Variants in PARD3B observed in about 807,000 individuals in gnomAD.
The protein encoded by PARD3B is par-3 family cell polarity regulator beta.
A neutral mutation model predicts 130.2 loss-of-function variants in PARD3B; 103 were observed. The ratio of observed to expected loss-of-function variants is 0.79; its 90% CI spans 0.67 to 0.93. The LOEUF (loss-of-function observed/expected upper bound fraction) is 0.93, where lower values mean the gene tolerates loss of function less well. Among genes scored for constraint, PARD3B ranks in the 40% least tolerant of loss-of-function variants. The pLI is 0.00. For missense variants in PARD3B, 1,609 were observed against 1,499.2 expected, an observed-to-expected ratio of 1.07 and a Z score of -1.21; for synonymous variants, 583 against 553.2, an observed-to-expected ratio of 1.05 and a Z score of -0.76.
intron 2 of PARD3B, among the ~76,000 whole-genome samples, chr2:204,764,064 A>C (rs1288846811): frequency 6.6e-6 from 1 of 152,170 alleles, no homozygotes; most frequent in Non-Finnish European, 1.5e-5. Flanking sequence ...AGGAGTGTGG[A>C]CACTAAGGGT....
chr2:205,129,658 CTT>C (rs1318480836), intron 10 of PARD3B, among the ~76,000 whole-genome samples: 1 of 152,198 alleles, frequency 6.6e-6, no homozygotes, highest in African/African-American at 2.4e-5. Flanking sequence ...TTTGTTAAGC[CTT>C]GCTGTTCTGC....
intron 2 of PARD3B, among the ~76,000 whole-genome samples, chr2:204,800,511 C>A (rs1263286831): frequency 1.3e-5 from 2 of 151,952 alleles, no homozygotes; most frequent in African/African-American, 4.8e-5. Context: ...AAAAATATAT[C>A]AGGGTTTAAG....
At chr2:205,380,854 A>G (rs1480392059) in intron 18 of PARD3B, among the ~76,000 whole-genome samples, 3 of 104,188 alleles carry the variant, frequency 2.9e-5, no homozygotes, top group Non-Finnish European at 5.1e-5. Flanking sequence ...TATAAAGAAT[A>G]CATTATATAT....
chr2:204,709,688 C>A (rs1454825482), intron 2 of PARD3B, among the ~76,000 whole-genome samples: 3 of 152,008 alleles, frequency 2.0e-5, no homozygotes, highest in Non-Finnish European at 2.9e-5. Context: ...AGGTTAGGCC[C>A]CAATTTTCTG....
intron 2 of PARD3B, among the ~76,000 whole-genome samples, chr2:204,738,486 C>T (rs145457594): frequency 6.8e-4 from 103 of 152,220 alleles, no homozygotes; most frequent in South Asian, 4.1e-3. Flanking sequence ...TATATTTTTG[C>T]GTAATAAATT....
At chr2:204,645,790 T>C (rs919875629) in intron 1 of PARD3B, among the ~76,000 whole-genome samples, 6 of 152,180 alleles carry the variant, frequency 3.9e-5, no homozygotes, top group Non-Finnish European at 7.4e-5. Flanking sequence ...AGAAGGCAAT[T>C]TCCAATTCCA....
At chr2:205,379,874 C>A (rs886502413) in intron 18 of PARD3B, among the ~76,000 whole-genome samples, 2 of 151,538 alleles carry the variant, frequency 1.3e-5, no homozygotes, top group East Asian at 3.9e-4. Context: ...CTGAGACCAT[C>A]TTGGCTAATA....
At chr2:205,432,245 C>T (rs2106131716) in intron 19 of PARD3B, among the ~76,000 whole-genome samples, 1 of 152,240 alleles carries the variant, frequency 6.6e-6, no homozygotes, top group East Asian at 1.9e-4. Flanking sequence ...TTGTAATAAC[C>T]CCCTAACTGT....
In PARD3B at chr2:205,360,578, T is replaced by C. The variant is rs576430720; in HGVS notation, c.2631-40435T>C. ...GAAAGCCAGCTTTATTTTTTCTTAA[T>C]ACAGTGAGGAAATTTTTCCAACACC... On this transcript the variant is annotated intron_variant, in intron 18 of 22. Coordinates refer to ENST00000406610, the MANE Select transcript of PARD3B (RefSeq NM_001302769.2). Among the ~76,000 whole-genome samples, 3 of 152,350 alleles carry C rather than the reference T, an allele frequency of 2.0e-5. No homozygotes were observed. The South Asian group carries it at 6.2e-4, about 32-fold the overall frequency.
At chr2:204,862,405 T>C (rs2045246555) in intron 2 of PARD3B, among the ~76,000 whole-genome samples, 1 of 152,212 alleles carries the variant, frequency 6.6e-6, no homozygotes, top group Non-Finnish European at 1.5e-5. Context: ...TTCCAGGGCA[T>C]AATTTATTAA....
intron 16 of PARD3B, among the ~76,000 whole-genome samples, chr2:205,283,848 T>C (rs2041284375): frequency 6.6e-6 from 1 of 152,188 alleles, no homozygotes; most frequent in African/African-American, 2.4e-5. Flanking sequence ...CCCTCTTCCC[T>C]GAAGTAAGCC....
At chr2:205,522,499 T>TA (rs1005693297) in intron 21 of PARD3B, among the ~76,000 whole-genome samples, 4 of 151,890 alleles carry the variant, frequency 2.6e-5, no homozygotes, top group South Asian at 2.1e-4. Flanking sequence ...CTATTGTCGT[T>TA]AAAAAAAATT....
chr2:205,031,099 A>G (rs1697386906), intron 3 of PARD3B, among the ~76,000 whole-genome samples: 1 of 152,176 alleles, frequency 6.6e-6, no homozygotes, highest in Non-Finnish European at 1.5e-5. Flanking sequence ...AAAGACTGCC[A>G]CAGACTAGAA....
At position 205,156,342 on chromosome 2, in the gene PARD3B, G is replaced by A. The variant is rs376896790; in HGVS notation, c.1435-2380G>A. Among the ~76,000 whole-genome samples the A allele has an allele frequency of 6.8e-3, 1,025 of 151,216 alleles. 2 individuals carry two copies. The highest frequency in any genetic ancestry group is 0.011 in the Non-Finnish European group (727 of 67,804). The stretch of plus-strand genomic sequence containing the variant: ...ACGAGTTAATGGGTGCAGCACACCA[G>A]CATGGCACATGTATACATATGTAAC... On this transcript the variant is annotated intron_variant, in intron 10 of 22. Coordinates refer to ENST00000406610, the MANE Select transcript of PARD3B (RefSeq NM_001302769.2).
At chr2:204,644,913 A>G (rs2125159118) in intron 1 of PARD3B, among the ~76,000 whole-genome samples, 1 of 152,250 alleles carries the variant, frequency 6.6e-6, no homozygotes, top group East Asian at 1.9e-4. Context: ...AAATATTGGG[A>G]ACCAGTAAAT....
At chr2:204,684,747 C>T (rs536260702) in intron 1 of PARD3B, among the ~76,000 whole-genome samples, 2 of 152,180 alleles carry the variant, frequency 1.3e-5, no homozygotes, top group African/African-American at 4.8e-5. Context: ...TCTTTGAGAT[C>T]TCTATCTGTG....
At position 205,405,523 on chromosome 2, in the gene PARD3B, C is replaced by A. The variant is rs1257954996; in HGVS notation, c.2741+4400C>A. 6.6e-6 allele frequency among the ~76,000 whole-genome samples: 1 copy of A among 152,126 alleles called. No homozygotes were observed. The highest frequency in any genetic ancestry group is 2.4e-5 in the African/African-American group (1 of 41,414). On this transcript the variant is annotated intron_variant, in intron 19 of 22. Coordinates refer to ENST00000406610, the MANE Select transcript of PARD3B (RefSeq NM_001302769.2). This position sits in a 1 kb window ranked among gnomAD's most constrained non-coding sequence, Gnocchi z 4.1. The stretch of plus-strand genomic sequence containing the variant: ...GAGAAATCTAGATCAGATGATATAA[C>A]CCTAGAAGGATTATTAGCTATTTGA...
chr2:205,459,230 G>A (rs565149021), intron 20 of PARD3B, among the ~76,000 whole-genome samples: 27 of 152,276 alleles, frequency 1.8e-4, no homozygotes, highest in Admixed American at 1.6e-3. Flanking sequence ...CTACCTTTTA[G>A]AATCAGTCTT....
At chr2:204,658,438 C>T (rs1297501642) in intron 1 of PARD3B, among the ~76,000 whole-genome samples, 1 of 152,094 alleles carries the variant, frequency 6.6e-6, no homozygotes, top group African/African-American at 2.4e-5. Flanking sequence ...GTCTCTTGGT[C>T]TTAGTAAATA....
Sources: allele counts gnomAD v4.1 joint callset (sites outside exome capture counted in the v4.1 genomes callset), GRCh38; gene constraint gnomAD v4.1.1; non-coding constraint Gnocchi (gnomAD v3.1); transcripts MANE v1.5; gene names NCBI Gene and HGNC (gene_info 2026-07-23, HGNC 2026-07-21).